The following RPS6KC1 variants were observed in gnomAD, a reference collection of about 807,000 sequenced individuals.
RPS6KC1 encodes the protein ribosomal protein S6 kinase C1, also known as inactive ribosomal protein S6 kinase delta-1.
A neutral mutation model predicts 103.8 loss-of-function variants in RPS6KC1; 54 were observed. The observed-to-expected ratio is 0.52, with a 90% CI of 0.42 to 0.65. The LOEUF (loss-of-function observed/expected upper bound fraction) is 0.65, where lower values mean the gene tolerates loss of function less well. Ranked by LOEUF, RPS6KC1 falls within the 30% of genes least tolerant of loss-of-function variation. RPS6KC1 has a pLI of 0.00. For missense variants in RPS6KC1, 1,151 were observed against 1,253.8 expected, an observed-to-expected ratio of 0.92 and a Z score of 1.24; for synonymous variants, 439 against 438.7, an observed-to-expected ratio of 1.00 and a Z score of -0.01.
At chr1:213,254,486 C>A (rs944967018) in intron 12 of RPS6KC1, among the ~76,000 whole-genome samples, 5 of 152,108 alleles carry the variant, frequency 3.3e-5, no homozygotes, top group Admixed American at 3.3e-4. Context: ...TAGCATAATC[C>A]ACTTTTTGGG....
the RPS6KC1 span, among the ~76,000 whole-genome samples, chr1:213,338,190 T>G: frequency 6.6e-6 from 1 of 152,226 alleles, no homozygotes; most frequent in African/African-American, 2.4e-5. Flanking sequence ...TGCTTTCACA[T>G]TGATCCTCAC....
At chr1:213,482,008 C>T in the RPS6KC1 span, among the ~76,000 whole-genome samples, 3 of 152,140 alleles carry the variant, frequency 2.0e-5, no homozygotes, top group Non-Finnish European at 4.4e-5. Flanking sequence ...CTCTCACTCG[C>T]TCCTGTTCTC....
chr1:213,175,573 C>T (rs2091811692), intron 7 of RPS6KC1, among the ~76,000 whole-genome samples: 2 of 152,142 alleles, frequency 1.3e-5, no homozygotes, highest in African/African-American at 4.8e-5. Flanking sequence ...TAGAATTTAT[C>T]TAATTTAATG....
At chr1:213,661,835 T>TA in the RPS6KC1 span, among the ~76,000 whole-genome samples, 2 of 152,216 alleles carry the variant, frequency 1.3e-5, no homozygotes, top group Non-Finnish European at 2.9e-5. Context: ...TGAGTTTGCT[T>TA]AAATAAAAGT....
chr1:213,139,887 T>G (rs2086811049), intron 6 of RPS6KC1, among the ~76,000 whole-genome samples: 1 of 152,102 alleles, frequency 6.6e-6, no homozygotes, highest in Admixed American at 6.6e-5. Flanking sequence ...AAAAATGTCA[T>G]TAATAGTTTG....
At chr1:213,445,762 G>C in the RPS6KC1 span, among the ~76,000 whole-genome samples, 2 of 152,200 alleles carry the variant, frequency 1.3e-5, no homozygotes, top group South Asian at 4.1e-4. Flanking sequence ...ATGGGGACTG[G>C]AGCACAACAG....
At chr1:213,611,462 T>C in the RPS6KC1 span, among the ~76,000 whole-genome samples, 2 of 152,172 alleles carry the variant, frequency 1.3e-5, no homozygotes, top group African/African-American at 4.8e-5. Flanking sequence ...TCCCTAGGAC[T>C]TGCCAACTCA....
At chr1:213,296,384 A>G in the RPS6KC1 span, among the ~76,000 whole-genome samples, 1 of 152,190 alleles carries the variant, frequency 6.6e-6, no homozygotes. Context: ...TGGTACTTCA[A>G]TGCAAAGAGA....
the RPS6KC1 span, among the ~76,000 whole-genome samples, chr1:213,385,513 G>A: frequency 6.6e-6 from 1 of 152,174 alleles, no homozygotes. Context: ...ACGTGGTGGA[G>A]GATGTTATAG....
At chr1:213,332,383 A>G in the RPS6KC1 span, among the ~76,000 whole-genome samples, 598 of 152,294 alleles carry the variant, frequency 3.9e-3, 1 homozygote, top group African/African-American at 0.014. Context: ...TCATTTTGAA[A>G]ATGCTGTTGA....
the RPS6KC1 span, among the ~76,000 whole-genome samples, chr1:213,797,426 C>T: frequency 9.9e-5 from 15 of 152,274 alleles, no homozygotes; most frequent in East Asian, 2.9e-3. Context: ...TATTGTGTTG[C>T]ACCAGACATC....
chr1:213,343,922 A>G, the RPS6KC1 span, among the ~76,000 whole-genome samples: 2 of 152,180 alleles, frequency 1.3e-5, no homozygotes, highest in Non-Finnish European at 2.9e-5. Flanking sequence ...AAATGGCATG[A>G]TACCTTTCTA....
chr1:213,583,830 AAAAAAAAAGAAAAAAG>A, the RPS6KC1 span, among the ~76,000 whole-genome samples: 3,198 of 144,892 alleles, frequency 0.022, 81 homozygotes, highest in African/African-American at 0.068. Flanking sequence ...CAAAAAAAAA[AAAAAAAAAGAAAAAAG>A]AAAAAAAAAG....
chr1:213,164,544 C>T (rs2090779430), intron 6 of RPS6KC1, among the ~76,000 whole-genome samples: 1 of 152,138 alleles, frequency 6.6e-6, no homozygotes. Flanking sequence ...ATAATGGGAA[C>T]AATTTTTCTT....
chr1:213,433,663 C>T, the RPS6KC1 span, among the ~76,000 whole-genome samples: 5 of 152,076 alleles, frequency 3.3e-5, no homozygotes, highest in African/African-American at 1.2e-4. Flanking sequence ...TTGATGATAG[C>T]GATTATAGTT....
At chr1:213,817,547 G>A in the RPS6KC1 span, among the ~76,000 whole-genome samples, 29 of 152,244 alleles carry the variant, frequency 1.9e-4, no homozygotes, top group South Asian at 2.1e-4. Flanking sequence ...TTTCAAATAC[G>A]GACACTCCTT....
At chr1:213,686,266 A>G in the RPS6KC1 span, among the ~76,000 whole-genome samples, 1 of 152,304 alleles carries the variant, frequency 6.6e-6, no homozygotes, top group Non-Finnish European at 1.5e-5. Flanking sequence ...TTTTACTTGC[A>G]CATTTGGAGA....
chr1:213,719,399 C>T, the RPS6KC1 span, among the ~76,000 whole-genome samples: 1 of 152,076 alleles, frequency 6.6e-6, no homozygotes, highest in African/African-American at 2.4e-5. Context: ...CCATTTAGAA[C>T]AGTGACTTTA....
At chr1:213,158,503 G>C (rs1327605720) in intron 6 of RPS6KC1, among the ~76,000 whole-genome samples, 1 of 152,174 alleles carries the variant, frequency 6.6e-6, no homozygotes, top group Non-Finnish European at 1.5e-5. Flanking sequence ...ACAAGGTGGG[G>C]ATAGACAGAT....
Sources: allele counts gnomAD v4.1 joint callset (sites outside exome capture counted in the v4.1 genomes callset), GRCh38; gene constraint gnomAD v4.1.1; transcripts MANE v1.5; gene names NCBI Gene and HGNC (gene_info 2026-07-23, HGNC 2026-07-21).